STXBP6: variants seen among roughly 807,000 people sequenced by gnomAD.
The protein encoded by STXBP6 is syntaxin binding protein 6, also known as syntaxin-binding protein 6.
A neutral mutation model predicts 26.9 loss-of-function variants in STXBP6; 21 were observed. The observed-to-expected ratio is 0.78, with a 90% confidence interval of 0.55 to 1.12. STXBP6 has a LOEUF of 1.12. Ranked by LOEUF, STXBP6 falls within the 50% of genes most tolerant of loss-of-function variation. The probability of loss-of-function intolerance (pLI) is 0.00; values close to 1 mark genes in which losing one functional copy is unlikely to be tolerated. For missense variants in STXBP6, 232 were observed against 257.9 expected, an observed-to-expected ratio of 0.90 and a Z score of 0.69; for synonymous variants, 97 against 92.6, an observed-to-expected ratio of 1.05 and a Z score of -0.27.
intron 1 of STXBP6, among the ~76,000 whole-genome samples, chr14:25,011,843 G>T (rs1455641265): frequency 6.6e-6 from 1 of 152,180 alleles, no homozygotes; most frequent in Non-Finnish European, 1.5e-5. Context: ...AAACATATGA[G>T]CCATTAACGA....
intron 2 of STXBP6, among the ~76,000 whole-genome samples, chr14:24,968,471 A>T (rs745594478): frequency 1.3e-4 from 19 of 151,984 alleles, no homozygotes; most frequent in Non-Finnish European, 2.1e-4. Flanking sequence ...CTGAATTAGA[A>T]AGAGAGAAAC....
intron 2 of STXBP6, among the ~76,000 whole-genome samples, chr14:24,934,541 A>G (rs1172211247): frequency 2.0e-5 from 3 of 152,204 alleles, no homozygotes; most frequent in Non-Finnish European, 4.4e-5. Context: ...ACATTCCATG[A>G]TGACATCCAG....
intron 4 of STXBP6, among the ~76,000 whole-genome samples, chr14:24,839,601 T>TTTG (rs1223576085): frequency 2.0e-5 from 3 of 152,176 alleles, no homozygotes; most frequent in African/African-American, 7.2e-5. Context: ...ATGGTAATCT[T>TTTG]GTATATTGTG....
intron 1 of STXBP6, among the ~76,000 whole-genome samples, chr14:25,033,694 T>C (rs2075501578): frequency 6.6e-6 from 1 of 152,178 alleles, no homozygotes; most frequent in Non-Finnish European, 1.5e-5. Flanking sequence ...CCTAATTTAT[T>C]TGACTAGGCC....
chr14:25,004,109 C>G (rs1595297338), intron 1 of STXBP6, among the ~76,000 whole-genome samples: 1 of 152,126 alleles, frequency 6.6e-6, no homozygotes, highest in Non-Finnish European at 1.5e-5. Flanking sequence ...AGTGATCGTG[C>G]AAATTGAAGA....
intron 4 of STXBP6, among the ~76,000 whole-genome samples, chr14:24,850,107 C>CT (rs906735960): frequency 1.1e-4 from 17 of 151,632 alleles, no homozygotes; most frequent in Admixed American, 2.0e-4. Flanking sequence ...ACACCAATCA[C>CT]TTTTTTTTTC....
intron 2 of STXBP6, among the ~76,000 whole-genome samples, chr14:24,961,326 T>C (rs2073529613): frequency 6.6e-6 from 1 of 151,954 alleles, no homozygotes; most frequent in Non-Finnish European, 1.5e-5. Flanking sequence ...ATAGGCTTAG[T>C]ACCTAGGTGA....
intron 2 of STXBP6, among the ~76,000 whole-genome samples, chr14:24,888,062 C>A (rs181334612): frequency 6.6e-6 from 1 of 152,304 alleles, no homozygotes; most frequent in East Asian, 1.9e-4. Flanking sequence ...AGCCAATATA[C>A]TTCTGTTCTT....
chr14:25,002,611 G>A (rs567747060), intron 1 of STXBP6, among the ~76,000 whole-genome samples: 3 of 151,748 alleles, frequency 2.0e-5, no homozygotes, highest in East Asian at 3.9e-4. Context: ...CATGTGCCTC[G>A]GCCTCTCAAA....
At position 24,962,141 on chromosome 14, in the gene STXBP6, C is replaced by T. The variant is rs574261063; in HGVS notation, c.154+12524G>A. 2.2e-4 allele frequency among the ~76,000 whole-genome samples: 34 copies of T among 152,262 alleles called. No homozygotes were observed. The East Asian group carries it at 6.2e-3, about 28-fold the overall frequency. ...CACACATGCACAGTACCCTTATATA[C>T]ACCTGCAAACGTATATAGAGATCAA... On this transcript the variant is annotated intron_variant, in intron 2 of 5. Transcript: ENST00000323944.
chr14:24,858,853 C>T (rs2069434656), intron 2 of STXBP6, among the ~76,000 whole-genome samples: 1 of 152,120 alleles, frequency 6.6e-6, no homozygotes, highest in Non-Finnish European at 1.5e-5. Flanking sequence ...TTTTCAATAA[C>T]AGGAAAACAT....
Position 24,998,682 on chromosome 14 carries a change from C to G in STXBP6, c.-32-23832G>C, listed in dbSNP as rs191316758. ...TCAATCTGAATTTACTGAACACCTACCGCAGGCTTGGCAGACACTGAAGAT... is the reference window on the plus strand; with the variant it reads ...TCAATCTGAATTTACTGAACACCTAGCGCAGGCTTGGCAGACACTGAAGAT... On this transcript the variant is annotated intron_variant, in intron 1 of 5. Coordinates refer to ENST00000323944, the MANE Select transcript of STXBP6 (RefSeq NM_001394410.1). Among the ~76,000 whole-genome samples, 30 of 152,320 alleles carry G rather than the reference C, an allele frequency of 2.0e-4. No homozygotes were observed. The East Asian group carries it at 5.8e-3, about 29-fold the overall frequency.
At chr14:25,025,639 C>T (rs947347789) in intron 1 of STXBP6, among the ~76,000 whole-genome samples, 1 of 152,112 alleles carries the variant, frequency 6.6e-6, no homozygotes, top group African/African-American at 2.4e-5. Context: ...TTACTCATTG[C>T]CACCGCATCC....
At chr14:24,904,083 G>A (rs1412519054) in intron 2 of STXBP6, among the ~76,000 whole-genome samples, 1 of 152,118 alleles carries the variant, frequency 6.6e-6, no homozygotes, top group East Asian at 1.9e-4. Flanking sequence ...CAGGGTATAG[G>A]CAAAGATGTC....
intron 4 of STXBP6, among the ~76,000 whole-genome samples, chr14:24,828,793 T>C (rs1467248213): frequency 6.6e-6 from 1 of 152,198 alleles, no homozygotes; most frequent in Non-Finnish European, 1.5e-5. Flanking sequence ...TATAATTAGA[T>C]ATTAATAAGG....
In STXBP6 at chr14:24,974,863, G is replaced by A. The variant is rs774932335; in HGVS notation, c.-32-13C>T. The A allele has an allele frequency of 9.4e-6, 14 of 1,495,034 alleles. No homozygotes were observed. The highest frequency in any genetic ancestry group is 1.3e-5 in the Non-Finnish European group (14 of 1,111,266). 92.6% of individuals were successfully genotyped at this position (1,495,034 alleles called of 1,614,324 possible). On this transcript the variant is annotated splice_polypyrimidine_tract_variant and intron_variant, in intron 1 of 5. Coordinates refer to ENST00000323944, the MANE Select transcript of STXBP6 (RefSeq NM_001394410.1). The stretch of plus-strand genomic sequence containing the variant: ...GCACGCAGTGAATCTTTTAAAGAAG[G>A]AAAAGAAAGGAAAGTTGGAATTGAC...
intron 2 of STXBP6, among the ~76,000 whole-genome samples, chr14:24,918,879 T>G (rs1232705048): frequency 6.6e-6 from 1 of 152,064 alleles, no homozygotes; most frequent in African/African-American, 2.4e-5. Context: ...AGAGAAAAAC[T>G]TTTCCCTACT....
intron 2 of STXBP6, among the ~76,000 whole-genome samples, chr14:24,898,020 T>G (rs1409667927): frequency 6.6e-6 from 1 of 152,248 alleles, no homozygotes; most frequent in African/African-American, 2.4e-5. Context: ...CATAGCCATC[T>G]GTGTATGCAT....
chr14:24,912,580 T>C (rs371679126), intron 2 of STXBP6, among the ~76,000 whole-genome samples: 16 of 152,288 alleles, frequency 1.1e-4, no homozygotes, highest in African/African-American at 3.6e-4. Context: ...TTACTTTAAG[T>C]GCATACTTAA....
Sources: gnomAD v4.1 joint callset for allele counts (sites outside exome capture counted in the v4.1 genomes callset) on GRCh38, gnomAD v4.1.1 for gene constraint, MANE v1.5 for transcripts, NCBI Gene and HGNC (gene_info 2026-07-23, HGNC 2026-07-21) for gene names.